Variants in NLGN1 observed in about 807,000 individuals in gnomAD.
The protein encoded by NLGN1 is neuroligin-1.
NLGN1 carries 12 observed loss-of-function variants against 65.5 expected under a neutral mutation model. The ratio of observed to expected loss-of-function variants is 0.18; its 90% CI spans 0.12 to 0.30. The LOEUF is 0.30. Among genes scored for constraint, NLGN1 ranks in the 10% least tolerant of loss-of-function variants. NLGN1 has a pLI of 1.00. For missense variants in NLGN1, 750 were observed against 1,007.1 expected, an observed-to-expected ratio of 0.74 and a Z score of 3.46; for synonymous variants, 350 against 359.5, an observed-to-expected ratio of 0.97 and a Z score of 0.30.
At chr3:173,962,388 A>G (rs952638229) in intron 4 of NLGN1, among the ~76,000 whole-genome samples, 1 of 152,138 alleles carries the variant, frequency 6.6e-6, no homozygotes, top group South Asian at 2.1e-4. Flanking sequence ...CTTTTATAAT[A>G]TAATGCATTA....
chr3:173,527,874 G>T (rs1735914995), intron 2 of NLGN1, among the ~76,000 whole-genome samples: 1 of 151,984 alleles, frequency 6.6e-6, no homozygotes, highest in South Asian at 2.1e-4. Flanking sequence ...TGTTTTTGTT[G>T]GTGTTGATGT....
chr3:173,696,814 C>A (rs547729838), intron 3 of NLGN1, among the ~76,000 whole-genome samples: 8 of 152,290 alleles, frequency 5.3e-5, no homozygotes, highest in Admixed American at 4.6e-4. Flanking sequence ...TATGAACTAG[C>A]CACACTTTTT....
At chr3:173,535,802 G>A (rs1737335753) in intron 2 of NLGN1, among the ~76,000 whole-genome samples, 2 of 152,160 alleles carry the variant, frequency 1.3e-5, no homozygotes, top group Non-Finnish European at 2.9e-5. Context: ...AAAAACAGAA[G>A]ATCAAATGGT....
intron 2 of NLGN1, among the ~76,000 whole-genome samples, chr3:173,585,694 G>A (rs527441874): frequency 3.3e-5 from 5 of 152,194 alleles, no homozygotes; most frequent in Non-Finnish European, 7.3e-5. Flanking sequence ...GCTTTTTGCC[G>A]AGGGCCCAGG....
At chr3:173,800,001 G>C (rs149949525) in intron 3 of NLGN1, among the ~76,000 whole-genome samples, 1 of 94,466 alleles carries the variant, frequency 1.1e-5, no homozygotes, top group African/African-American at 4.4e-5. Context: ...TATGCAATGG[G>C]TATTTTTTTT....
At chr3:173,529,297 G>C (rs1456643183) in intron 2 of NLGN1, among the ~76,000 whole-genome samples, 2 of 152,142 alleles carry the variant, frequency 1.3e-5, no homozygotes, top group African/African-American at 4.8e-5. Context: ...CAGCGCAAAA[G>C]CAGGTGAGTA....
intron 4 of NLGN1, among the ~76,000 whole-genome samples, chr3:173,813,785 A>G (rs903357300): frequency 1.3e-5 from 2 of 152,228 alleles, no homozygotes; most frequent in Non-Finnish European, 2.9e-5. Flanking sequence ...CATAATCACA[A>G]AAAGGAAACA....
chr3:173,539,699 C>T (rs1471551798), intron 2 of NLGN1, among the ~76,000 whole-genome samples: 147 of 96,988 alleles, frequency 1.5e-3, no homozygotes, highest in Middle Eastern at 8.8e-3. Flanking sequence ...TGTACATATG[C>T]ACATATATAC....
chr3:173,571,111 G>A (rs935193002), intron 2 of NLGN1, among the ~76,000 whole-genome samples: 61 of 152,312 alleles, frequency 4.0e-4, no homozygotes, highest in East Asian at 3.1e-3. Context: ...AGGAAAAATA[G>A]CAGTGTTTAC....
chr3:173,561,981 T>C (rs1209548294), intron 2 of NLGN1, among the ~76,000 whole-genome samples: 1 of 152,174 alleles, frequency 6.6e-6, no homozygotes, highest in Non-Finnish European at 1.5e-5. Context: ...ATTGGAGAAA[T>C]AGGGCTATAG....
In NLGN1 at chr3:174,132,187, A is replaced by G. The variant is rs143032626; in HGVS notation, c.647-143128A>G. 7.6e-3 allele frequency among the ~76,000 whole-genome samples: 1,151 copies of G among 152,328 alleles called. 21 individuals carry two copies. Among genetic ancestry groups the G allele is most frequent in the African/African-American group, 0.027 (1,105 of 41,580 alleles). On this transcript the variant is annotated intron_variant, in intron 4 of 6. Transcript: ENST00000457714. ...CTCTAAGACTTGCTTTCACTTTAAC[A>G]TAATACTTGGCAGCCTGGAGAAGTA...
chr3:173,929,186 T>C (rs903873774), intron 4 of NLGN1, among the ~76,000 whole-genome samples: 1 of 152,162 alleles, frequency 6.6e-6, no homozygotes, highest in Non-Finnish European at 1.5e-5. Flanking sequence ...GTTCTTACTT[T>C]TCCCTGATTT....
At chr3:173,687,037 G>A (rs1184985787) in intron 3 of NLGN1, among the ~76,000 whole-genome samples, 1 of 152,140 alleles carries the variant, frequency 6.6e-6, no homozygotes. Context: ...CAGGAGGAGT[G>A]GTTACTGTGG....
chr3:174,232,619 T>C (rs1740935624), intron 4 of NLGN1, among the ~76,000 whole-genome samples: 1 of 152,118 alleles, frequency 6.6e-6, no homozygotes, highest in African/African-American at 2.4e-5. Context: ...CAGTAAATAA[T>C]GTAGGCTCAT....
chr3:173,802,411 G>A (rs1028112082), intron 3 of NLGN1, among the ~76,000 whole-genome samples: 4 of 152,166 alleles, frequency 2.6e-5, no homozygotes, highest in African/African-American at 9.6e-5. Context: ...AGCGTAGAAT[G>A]TCAAAACAGT....
intron 4 of NLGN1, among the ~76,000 whole-genome samples, chr3:173,943,511 G>A (rs1013585310): frequency 6.6e-6 from 1 of 152,276 alleles, no homozygotes; most frequent in Admixed American, 6.5e-5. Flanking sequence ...TTACCTCTGA[G>A]CTGTTTCCTC....
chr3:173,602,820 A>G (rs550279387), intron 2 of NLGN1, among the ~76,000 whole-genome samples: 4 of 152,186 alleles, frequency 2.6e-5, no homozygotes, highest in African/African-American at 9.6e-5. Flanking sequence ...AGTCAGCATT[A>G]TATACACTTT....
rs568597142 is a variant in NLGN1 at position 173,964,437 on chromosome 3, A to G, written c.646+156605A>G. Among the ~76,000 whole-genome samples, 7 of 152,294 alleles carry G rather than the reference A, an allele frequency of 4.6e-5. No homozygotes were observed. The South Asian group carries it at 1.0e-3, about 23-fold the overall frequency. On this transcript the variant is annotated intron_variant, in intron 4 of 6. Transcript: ENST00000457714. ...TTGCCTAGGGTCAGATAATAACTAC[A>G]TAGGGACAGAGGCAAGACCGGGATT...
chr3:173,675,887 T>TCTCTCTCTCTCTCACACACA (rs756157881), intron 3 of NLGN1, among the ~76,000 whole-genome samples: 1 of 138,578 alleles, frequency 7.2e-6, no homozygotes, highest in African/African-American at 2.8e-5. Flanking sequence ...TCTCTCTCTC[T>TCTCTCTCTCTCTCACACACA]CACACACACA....
Sources: allele counts gnomAD v4.1 joint callset (sites outside exome capture counted in the v4.1 genomes callset), GRCh38; gene constraint gnomAD v4.1.1; transcripts MANE v1.5; gene names NCBI Gene and HGNC (gene_info 2026-07-23, HGNC 2026-07-21).